Variants in WWC2 observed in about 807,000 individuals in gnomAD.
WWC2 encodes the protein protein WWC2.
WWC2 carries 101 observed loss-of-function variants against 138.5 expected under a neutral mutation model. The observed-to-expected ratio is 0.73, with a 90% CI of 0.62 to 0.86. WWC2 has a LOEUF of 0.86. Ranked by LOEUF, WWC2 falls within the 40% of genes least tolerant of loss-of-function variation. The pLI, the probability that WWC2 is intolerant of heterozygous loss-of-function variation, is 0.00. For synonymous variants in WWC2, 558 were observed against 538.4 expected, an observed-to-expected ratio of 1.04 and a Z score of -0.50; for missense variants, 1,420 against 1,419.4, an observed-to-expected ratio of 1.00 and a Z score of -0.01.
rs572650365 is a variant in WWC2 at position 183,102,788 on chromosome 4, CT to C, written c.131+3170del. Among the ~76,000 whole-genome samples the C allele has an allele frequency of 2.9e-3, 443 of 151,280 alleles. 2 individuals are homozygous for C. The highest frequency in any genetic ancestry group is 4.7e-3 in the Non-Finnish European group (316 of 67,898). On this transcript the variant is annotated intron_variant, in intron 1 of 22. Coordinates refer to ENST00000403733, the MANE Select transcript of WWC2 (RefSeq NM_024949.6). The stretch of plus-strand genomic sequence containing the variant: ...TTATTTTGTAGGTTTACCCCCTCTT[CT>C]TTTGCTCACCATGGACCCTTTTGAA...
intron 21 of WWC2, among the ~76,000 whole-genome samples, chr4:183,292,318 A>T (rs1238169216): frequency 6.6e-6 from 1 of 151,862 alleles, no homozygotes; most frequent in Non-Finnish European, 1.5e-5. Context: ...GACCAGCCTG[A>T]GTGACATAAC....
At chr4:183,297,352 G>A (rs1483436453) in intron 21 of WWC2, among the ~76,000 whole-genome samples, 1 of 152,048 alleles carries the variant, frequency 6.6e-6, no homozygotes, top group African/African-American at 2.4e-5. Flanking sequence ...AAGATAATGA[G>A]GGAAAGAAGA....
At chr4:183,189,901 T>G (rs2111203097) in intron 1 of WWC2, among the ~76,000 whole-genome samples, 1 of 152,334 alleles carries the variant, frequency 6.6e-6, no homozygotes, top group South Asian at 2.1e-4. Flanking sequence ...CATCACTGTG[T>G]GGCATCTCAT....
chr4:183,204,067 A>AGGAAAGAAAGAAAGTGGAG (rs1250187994), intron 2 of WWC2, among the ~76,000 whole-genome samples: 1 of 152,204 alleles, frequency 6.6e-6, no homozygotes, highest in Admixed American at 6.5e-5. Context: ...TAAGGAAATG[A>AGGAAAGAAAGAAAGTGGAG]GGAAAGAAAG....
chr4:183,285,993 A>G lies in WWC2; in HGVS notation c.3075A>G (p.Ser1025=). 1 of 1,594,636 alleles carries G rather than the reference A, an allele frequency of 6.3e-7. No individual in the cohort carries two copies. Among genetic ancestry groups the G allele is most frequent in the Non-Finnish European group, 8.6e-7 (1 of 1,169,384 alleles). The change falls in exon 20 of 23, where the codon TCA becomes TCG. Residue 1025 remains serine (S), a synonymous_variant. Transcript: ENST00000403733. ...TAAATCGGAGTGACAGTGACAGTTC[A>G]ACCCTGGCTAAAAAATCACTGTTTG... is the stretch of plus-strand genomic sequence containing the variant. ...CRLNRSDSDS[S]TLAKKSLFVR...
At chr4:183,187,554 A>AAATAATAATAATAATAATAAT (rs371158154) in intron 1 of WWC2, among the ~76,000 whole-genome samples, 30 of 127,622 alleles carry the variant, frequency 2.4e-4, no homozygotes, top group East Asian at 4.6e-4. Context: ...CTCCGTCTCA[A>AAATAATAATAATAATAATAAT]AATAATAATA....
chr4:183,312,509 C>T (rs769766252), intron 22 of WWC2, 41 bp downstream of exon 22: 16 of 1,609,894 alleles, frequency 9.9e-6, no homozygotes, highest in South Asian at 2.2e-5. Context: ...GTTGCCCTCA[C>T]GGGGTCTGAT....
intron 4 of WWC2, among the ~76,000 whole-genome samples, chr4:183,223,898 T>G (rs966993554): frequency 1.3e-5 from 2 of 152,052 alleles, no homozygotes; most frequent in Non-Finnish European, 2.9e-5. Flanking sequence ...GCCCAGCTAA[T>G]TTTTGTGTTT....
intron 21 of WWC2, among the ~76,000 whole-genome samples, chr4:183,306,747 G>A (rs1465840973): frequency 6.6e-6 from 1 of 151,930 alleles, no homozygotes. Flanking sequence ...GGCTGGTCTC[G>A]ATCTCCTGAC....
rs996986641 is a variant in WWC2, at chr4:183,316,614, T to C, written c.*885T>C. 1 of 152,182 alleles carries C rather than the reference T, an allele frequency of 6.6e-6. No homozygotes were observed. The highest frequency in any genetic ancestry group is 1.5e-5 in the Non-Finnish European group (1 of 68,050). 9.4% of individuals were successfully genotyped at this position (152,182 alleles called of 1,614,324 possible). On this transcript the variant is annotated 3_prime_UTR_variant, in exon 23 of 23. Coordinates refer to ENST00000403733, the MANE Select transcript of WWC2 (RefSeq NM_024949.6). ...ATGGTGCCTAGTGGTGGCCCTGTGTTCTGAGGACAGAGAGAGCTGGAGGGG... is the reference window on the plus strand; with the variant it reads ...ATGGTGCCTAGTGGTGGCCCTGTGTCCTGAGGACAGAGAGAGCTGGAGGGG...
chr4:183,172,556 G>GTTTTTTTTTTTTTTTTTTTGTTTTTTT (rs61599876), intron 1 of WWC2, among the ~76,000 whole-genome samples: 1 of 113,070 alleles, frequency 8.8e-6, no homozygotes, highest in Non-Finnish European at 1.8e-5. Flanking sequence ...TATGTTTCTT[G>GTTTTTTTTTTTTTTTTTTTGTTTTTTT]TTTTTTTTTT....
At chr4:183,253,689 T>G (rs1275789534) in intron 8 of WWC2, 68 bp from the exon 9 acceptor site, 2 of 1,555,378 alleles carry the variant, frequency 1.3e-6, no homozygotes, top group Admixed American at 4.0e-5. Context: ...CAAATTTGGC[T>G]TAGGCTGTGT....
At chr4:183,139,973 C>T (rs560721951) in intron 1 of WWC2, among the ~76,000 whole-genome samples, 14 of 152,196 alleles carry the variant, frequency 9.2e-5, no homozygotes, top group Admixed American at 2.6e-4. Context: ...CCTCGACGCC[C>T]GGCCAATTTC....
intron 21 of WWC2, among the ~76,000 whole-genome samples, chr4:183,305,278 G>C (rs912308689): frequency 1.3e-5 from 2 of 152,138 alleles, no homozygotes; most frequent in Non-Finnish European, 2.9e-5. Context: ...GACAACTACA[G>C]AAGATGTACA....
At chr4:183,297,836 G>A (rs1450106022) in intron 21 of WWC2, among the ~76,000 whole-genome samples, 1 of 152,218 alleles carries the variant, frequency 6.6e-6, no homozygotes, top group Non-Finnish European at 1.5e-5. Context: ...GCACCCAAAG[G>A]CCATGCTAAC....
intron 1 of WWC2, among the ~76,000 whole-genome samples, chr4:183,141,106 C>G (rs529707743): frequency 7.2e-5 from 11 of 152,338 alleles, no homozygotes; most frequent in African/African-American, 2.2e-4. Context: ...CATCTGATTT[C>G]TATTCTCCAG....
rs372872029 is a variant in WWC2 at position 183,210,206 on chromosome 4, T to C, written c.522+1181T>C. On this transcript the variant is annotated intron_variant, in intron 4 of 22. Transcript: ENST00000403733. ...ATGCATTATATGTGGAACACTTATA[T>C]GTTGACCCTTAAAAGGAGATCAAAT... Among the ~76,000 whole-genome samples the C allele has an allele frequency of 4.6e-5, 7 of 152,336 alleles. No homozygotes were observed. In the East Asian group the frequency reaches 9.6e-4, roughly 21 times the overall value.
At position 183,290,440 on chromosome 4, in the gene WWC2, G is replaced by A. The variant is rs568093164; in HGVS notation, c.3384+805G>A. 6.5e-4 allele frequency among the ~76,000 whole-genome samples: 99 copies of A among 151,828 alleles called. 1 individual carries two copies. Among genetic ancestry groups the A allele is most frequent in the East Asian group, 2.9e-3 (15 of 5,136 alleles). On this transcript the variant is annotated intron_variant, in intron 21 of 22. Transcript: ENST00000403733. ...GACTGAGGCAGAGAATTTCTTAAAC[G>A]TGGGAGGTGGAGGTTGCAGTGAGCT...
At chr4:183,113,416 C>G (rs72691676) in intron 1 of WWC2, among the ~76,000 whole-genome samples, 18,244 of 151,234 alleles carry the variant, frequency 0.12, 1,259 homozygotes, top group East Asian at 0.23. Flanking sequence ...TGTAGACCAT[C>G]AAGATTTTAA....
Sources: allele counts gnomAD v4.1 joint callset (sites outside exome capture counted in the v4.1 genomes callset), GRCh38; gene constraint gnomAD v4.1.1; transcripts MANE v1.5; gene names NCBI Gene and HGNC (gene_info 2026-07-23, HGNC 2026-07-21).